Variants in SEMA6D observed in about 807,000 individuals in gnomAD.
SEMA6D encodes semaphorin-6D.
A neutral mutation model predicts 106.6 loss-of-function variants in SEMA6D; 35 were observed. The ratio of observed to expected loss-of-function variants is 0.33; its 90% CI spans 0.25 to 0.44. SEMA6D has a LOEUF of 0.44. SEMA6D is among the 20% of genes least tolerant of loss of function. The pLI is 1.00. For synonymous variants in SEMA6D, 499 were observed against 487.7 expected (o/e 1.02, Z -0.31); for missense variants, 1,185 against 1,345.9 (o/e 0.88, Z 1.87).
rs2080024848 is a variant in SEMA6D, at chr15:47,730,215, C to T, written c.-55+12523C>T. The T allele has an allele frequency of 1.9e-6, 3 of 1,541,322 alleles. No homozygotes were observed. In the East Asian group the frequency reaches 6.7e-5, roughly 35 times the overall value. ...GCGATGCGAGCCACAGACTTAGGAT[C>T]CAGGACGTTGCCGCCCCAGTGACGG... On this transcript the variant is annotated intron_variant, in intron 1 of 18. Coordinates refer to ENST00000536845, the MANE Select transcript of SEMA6D (RefSeq NM_001358351.3).
intron 1 of SEMA6D, among the ~76,000 whole-genome samples, chr15:47,736,166 G>T (rs184926907): frequency 6.6e-6 from 1 of 152,230 alleles, no homozygotes; most frequent in East Asian, 1.9e-4. Flanking sequence ...TTATTGTGTA[G>T]CAGTAGGCTG....
At chr15:47,403,737 A>G (rs2040469964) in intron 1 of SEMA6D, among the ~76,000 whole-genome samples, 1 of 152,146 alleles carries the variant, frequency 6.6e-6, no homozygotes, top group South Asian at 2.1e-4. Flanking sequence ...AAGCAATAAC[A>G]TAGTCAAAGG....
chr15:47,425,774 G>C (rs115596685), intron 2 of SEMA6D, among the ~76,000 whole-genome samples: 1 of 151,418 alleles, frequency 6.6e-6, no homozygotes, highest in Non-Finnish European at 1.5e-5. Flanking sequence ...AGGTTCAAGC[G>C]AGGTAAAGCG....
chr15:47,554,635 G>A (rs1377118034), intron 3 of SEMA6D, among the ~76,000 whole-genome samples: 1 of 152,150 alleles, frequency 6.6e-6, no homozygotes, highest in African/African-American at 2.4e-5. Flanking sequence ...GCAAGACATG[G>A]AGCTGTGAAG....
intron 1 of SEMA6D, among the ~76,000 whole-genome samples, chr15:47,348,722 AC>A (rs2038171882): frequency 2.7e-5 from 1 of 36,982 alleles, no homozygotes; most frequent in African/African-American, 7.6e-5. Context: ...CACACACCAC[AC>A]ACACAGAGAG....
intron 3 of SEMA6D, among the ~76,000 whole-genome samples, chr15:47,520,735 G>C (rs905402979): frequency 2.6e-5 from 4 of 152,146 alleles, no homozygotes; most frequent in African/African-American, 9.7e-5. Flanking sequence ...GAGGTTCAAA[G>C]ATCAAATAAT....
At chr15:47,692,273 A>G (rs192228547) in intron 4 of SEMA6D, among the ~76,000 whole-genome samples, 194 of 152,272 alleles carry the variant, frequency 1.3e-3, no homozygotes, top group African/African-American at 4.5e-3. Flanking sequence ...TCCCGACTCC[A>G]GCCCATACCT....
At chr15:47,459,514 C>G (rs1203786151) in intron 2 of SEMA6D, among the ~76,000 whole-genome samples, 1 of 151,988 alleles carries the variant, frequency 6.6e-6, no homozygotes, top group Non-Finnish European at 1.5e-5. Flanking sequence ...AAAAACCTAG[C>G]TTGGTTTTGC....
chr15:47,208,286 C>T (rs1310075313), intron 1 of SEMA6D, among the ~76,000 whole-genome samples: 1 of 151,960 alleles, frequency 6.6e-6, no homozygotes, highest in Middle Eastern at 3.4e-3. Flanking sequence ...CAGAAAATAC[C>T]GAATAAGTAT....
intron 4 of SEMA6D, among the ~76,000 whole-genome samples, chr15:47,619,616 A>G (rs2077064239): frequency 1.3e-5 from 2 of 152,210 alleles, no homozygotes; most frequent in East Asian, 1.9e-4. Context: ...GGCCCACTAG[A>G]CCATATGAAT....
chr15:47,196,094 A>G (rs1221204723), intron 1 of SEMA6D, among the ~76,000 whole-genome samples: 1 of 151,770 alleles, frequency 6.6e-6, no homozygotes, highest in African/African-American at 2.4e-5. Flanking sequence ...CATCCAGCAT[A>G]GCCCACACGT....
chr15:47,690,848 T>G (rs35622128), intron 4 of SEMA6D, among the ~76,000 whole-genome samples: 48,819 of 152,102 alleles, frequency 0.32, 8,790 homozygotes, highest in Middle Eastern at 0.45. Context: ...AAAATATATA[T>G]AGAGTCCCAT....
At chr15:47,211,506 C>G (rs542016997) in intron 1 of SEMA6D, among the ~76,000 whole-genome samples, 1 of 152,170 alleles carries the variant, frequency 6.6e-6, no homozygotes, top group East Asian at 1.9e-4. Flanking sequence ...CAAATATATC[C>G]TTTAGATGCA....
chr15:47,314,245 G>T (rs185602755), intron 1 of SEMA6D, among the ~76,000 whole-genome samples: 23 of 152,130 alleles, frequency 1.5e-4, no homozygotes, highest in African/African-American at 5.5e-4. Context: ...TTGGTGAGTT[G>T]TCTGCTAAGA....
At chr15:47,705,354 T>G (rs147883280) in intron 4 of SEMA6D, among the ~76,000 whole-genome samples, 2 of 152,198 alleles carry the variant, frequency 1.3e-5, no homozygotes, top group Non-Finnish European at 2.9e-5. Flanking sequence ...ACTTACACGA[T>G]GTTTTTACCA....
chr15:47,672,675 C>A (rs898189303), intron 4 of SEMA6D, among the ~76,000 whole-genome samples: 1 of 151,972 alleles, frequency 6.6e-6, no homozygotes, highest in Non-Finnish European at 1.5e-5. Flanking sequence ...GCTTTCTTTT[C>A]CTAATTGCAT....
At chr15:47,569,528 C>T (rs1269472292) in intron 3 of SEMA6D, among the ~76,000 whole-genome samples, 1 of 152,064 alleles carries the variant, frequency 6.6e-6, no homozygotes, top group African/African-American at 2.4e-5. Context: ...TGGGTCCAGC[C>T]AACCAAGGAG....
At chr15:47,669,128 T>C (rs2078090829) in intron 4 of SEMA6D, among the ~76,000 whole-genome samples, 1 of 152,146 alleles carries the variant, frequency 6.6e-6, no homozygotes, top group Non-Finnish European at 1.5e-5. Flanking sequence ...CATCAGGCCA[T>C]TTCATCCCTA....
Position 47,227,934 on chromosome 15 carries a change from A to ATCTTATATATATTTTATATATATAAGAT in SEMA6D, c.-239+43531_-239+43532insATATATATAAGATTCTTATATATATTTT, listed in dbSNP as rs1288678355. Among the ~76,000 whole-genome samples the ATCTTATATATATTTTATATATATAAGAT allele has an allele frequency of 7.0e-5, 10 of 142,974 alleles. 1 individual carries two copies. Among genetic ancestry groups the ATCTTATATATATTTTATATATATAAGAT allele is most frequent in the Non-Finnish European group, 1.1e-4 (7 of 65,454 alleles). The allele number at this position is 142,974 out of a possible 152,430, so 93.8% of individuals were successfully genotyped here. A position where few individuals can be genotyped will look rare whatever the true frequency, so the allele number is the denominator to read the frequency against. On this transcript the variant is annotated intron_variant, in intron 1 of 19. Transcript: ENST00000558014. ...TTATATATATTTTATATATATAAGA[A>ATCTTATATATATTTTATATATATAAGAT]TCTTATATATATTTTTATATGTAAG... is the stretch of plus-strand genomic sequence containing the variant.
Sources: gnomAD v4.1 joint callset for allele counts (sites outside exome capture counted in the v4.1 genomes callset) on GRCh38, gnomAD v4.1.1 for gene constraint, MANE v1.5 for transcripts, NCBI Gene and HGNC (gene_info 2026-07-23, HGNC 2026-07-21) for gene names.